Variants in COL28A1 observed in about 807,000 individuals in gnomAD.
COL28A1 encodes collagen type XXVIII alpha 1 chain, also known as collagen alpha-1(XXVIII) chain.
Under a neutral mutation model 150.2 loss-of-function variants are expected in COL28A1, and 161 were observed. That is an observed-to-expected ratio of 1.07 (90% CI 0.94 to 1.22). COL28A1 has a LOEUF of 1.22. Among genes scored for constraint, COL28A1 ranks in the 50% most tolerant of loss-of-function variants. The probability of loss-of-function intolerance (pLI) is 0.00; values close to 1 mark genes in which losing one functional copy is unlikely to be tolerated. For missense variants in COL28A1, 1,617 were observed against 1,388.3 expected, an observed-to-expected ratio of 1.16 and a Z score of -2.62; for synonymous variants, 552 against 469.7, an observed-to-expected ratio of 1.18 and a Z score of -2.26.
intron 13 of COL28A1, among the ~76,000 whole-genome samples, chr7:7,482,915 A>G (rs919757481): frequency 4.6e-5 from 7 of 152,166 alleles, no homozygotes; most frequent in Non-Finnish European, 1.0e-4. Flanking sequence ...CTGAATAGAA[A>G]AGTGTGTTTG....
chr7:7,524,286 G>A (rs759288343), intron 3 of COL28A1, 37 bp from the exon 4 acceptor site: 1 of 1,152,206 alleles, frequency 8.7e-7, no homozygotes, highest in Admixed American at 1.7e-5. Context: ...TAACTCGATT[G>A]ATAGTTCTGC....
At chr7:7,388,461 C>T (rs978468381) in intron 27 of COL28A1, among the ~76,000 whole-genome samples, 48 of 152,002 alleles carry the variant, frequency 3.2e-4, no homozygotes, top group African/African-American at 9.9e-4. Context: ...AACAGCGCCG[C>T]GATAAACATG....
In COL28A1 at chr7:7,530,385, A is replaced by G. The variant is rs1009852065; in HGVS notation, c.681+963T>C. ...AGATAAGAGTAATGTTGAGAAAAAG[A>G]TCGAGGGATAAGACAAAAGGAGCAA... On this transcript the variant is annotated intron_variant, in intron 3 of 34. Transcript: ENST00000399429. 2.0e-5 allele frequency among the ~76,000 whole-genome samples: 3 copies of G among 152,224 alleles called. No individual in the cohort carries two copies. In the East Asian group the frequency reaches 5.8e-4, roughly 29 times the overall value.
the COL28A1 span, among the ~76,000 whole-genome samples, chr7:7,340,788 C>A: frequency 1.3e-5 from 2 of 152,078 alleles, no homozygotes. Context: ...CATCTATAAT[C>A]ATTTGCAAAC....
rs559711519 is a variant in COL28A1 at position 7,503,937 on chromosome 7, A to C, written c.1026+2077T>G. ...ACTTGGCAGTGAACTTTGTGCTTAA[A>C]ACTTAAGTGGCAATTTCATGTCATG... On this transcript the variant is annotated intron_variant, in intron 11 of 34. Coordinates refer to ENST00000399429, the MANE Select transcript of COL28A1 (RefSeq NM_001037763.3). Among the ~76,000 whole-genome samples the C allele has an allele frequency of 1.1e-3, 171 of 152,268 alleles. 1 individual carries two copies. The highest frequency in any genetic ancestry group is 3.8e-3 in the African/African-American group (159 of 41,554).
intron 13 of COL28A1, among the ~76,000 whole-genome samples, chr7:7,479,613 G>A (rs1472219220): frequency 6.6e-6 from 1 of 152,156 alleles, no homozygotes; most frequent in African/African-American, 2.4e-5. Context: ...GAACCCACAG[G>A]CAGTTTTATA....
chr7:7,481,738 A>C (rs1779337053), intron 13 of COL28A1, among the ~76,000 whole-genome samples: 1 of 152,246 alleles, frequency 6.6e-6, no homozygotes, highest in African/African-American at 2.4e-5. Flanking sequence ...CAATAGTGTT[A>C]ATAATCAATA....
At chr7:7,429,385 C>A (rs937284393) in intron 25 of COL28A1, among the ~76,000 whole-genome samples, 6 of 150,652 alleles carry the variant, frequency 4.0e-5, no homozygotes, top group Non-Finnish European at 7.4e-5. Flanking sequence ...CTTTCTTTGC[C>A]AGTTTCTGTC....
chr7:7,485,054 T>C (rs1779548221), intron 13 of COL28A1, among the ~76,000 whole-genome samples: 3 of 152,028 alleles, frequency 2.0e-5, no homozygotes, highest in Admixed American at 2.0e-4. Flanking sequence ...GATGAAATAA[T>C]CTCTACACCA....
chr7:7,378,451 C>T (rs993453371), intron 30 of COL28A1, among the ~76,000 whole-genome samples: 2 of 152,102 alleles, frequency 1.3e-5, no homozygotes, highest in African/African-American at 2.4e-5. Context: ...ACCGAAGTGA[C>T]ATGTGGAGAA....
intron 15 of COL28A1, among the ~76,000 whole-genome samples, chr7:7,468,453 G>A (rs1788203514): frequency 9.1e-6 from 1 of 109,314 alleles, no homozygotes; most frequent in African/African-American, 4.1e-5. Context: ...CTCTGAAATT[G>A]TGGCAATAAT....
chr7:7,526,569 C>T (rs1039582049), intron 3 of COL28A1, among the ~76,000 whole-genome samples: 1 of 151,910 alleles, frequency 6.6e-6, no homozygotes, highest in Non-Finnish European at 1.5e-5. Flanking sequence ...ATTTAAAAAC[C>T]ACTACTGAAA....
At chr7:7,420,053 A>G (rs1295256091) in intron 25 of COL28A1, 100 bp from the exon 26 acceptor site, 2 of 681,172 alleles carry the variant, frequency 2.9e-6, no homozygotes, top group South Asian at 6.5e-5. Context: ...GAATGTGACT[A>G]AGGTATTAAT....
intron 4 of COL28A1, among the ~76,000 whole-genome samples, chr7:7,522,244 G>C (rs1781767217): frequency 6.6e-6 from 1 of 151,954 alleles, no homozygotes; most frequent in Admixed American, 6.6e-5. Flanking sequence ...TTAAATAAAA[G>C]ACATCCCATC....
chr7:7,439,506 C>T (rs1785598666), intron 21 of COL28A1, among the ~76,000 whole-genome samples: 1 of 151,972 alleles, frequency 6.6e-6, no homozygotes, highest in Non-Finnish European at 1.5e-5. Context: ...ACTTTTATAC[C>T]ATGAAAAGTA....
Position 7,443,506 on chromosome 7 carries a change from A to G in COL28A1, c.1650+79T>C. Reference sequence around the variant, plus strand: ...ACACATTGACATAGTAAGAATAACAATCAAATTTCTTCTAAGTTGGCTCCT... The same window carrying G: ...ACACATTGACATAGTAAGAATAACAGTCAAATTTCTTCTAAGTTGGCTCCT... On this transcript the variant is annotated intron_variant, in intron 20 of 34. Coordinates refer to ENST00000399429, the MANE Select transcript of COL28A1 (RefSeq NM_001037763.3). 3 of 1,581,702 alleles carry G rather than the reference A, an allele frequency of 1.9e-6. No individual in the cohort carries two copies. The South Asian group carries it at 3.5e-5, about 18-fold the overall frequency.
chr7:7,498,206 A>G (rs985443728), intron 11 of COL28A1, among the ~76,000 whole-genome samples: 1 of 152,176 alleles, frequency 6.6e-6, no homozygotes, highest in Non-Finnish European at 1.5e-5. Flanking sequence ...TTCATTATAT[A>G]TAACAAAATC....
intron 9 of COL28A1, among the ~76,000 whole-genome samples, chr7:7,508,092 C>T (rs777455082): frequency 4.6e-5 from 7 of 152,110 alleles, no homozygotes; most frequent in African/African-American, 1.4e-4. Context: ...ATTAGCCGGG[C>T]GTGGTGGCGG....
chr7:7,517,775 G>T (rs1440482070), intron 7 of COL28A1, 21 bp downstream of exon 7: 1 of 1,613,064 alleles, frequency 6.2e-7, no homozygotes, highest in African/African-American at 1.3e-5. Context: ...TCTTAGGAAG[G>T]CATTCCAGTT....
Sources: gnomAD v4.1 joint callset for allele counts (sites outside exome capture counted in the v4.1 genomes callset) on GRCh38, gnomAD v4.1.1 for gene constraint, MANE v1.5 for transcripts, NCBI Gene and HGNC (gene_info 2026-07-23, HGNC 2026-07-21) for gene names.